The following CDK13 variants were observed in gnomAD, a reference collection of about 807,000 sequenced individuals.
CDK13 encodes the protein cyclin dependent kinase 13.
CDK13 carries 40 observed loss-of-function variants against 137.6 expected under a neutral mutation model. That is an observed-to-expected ratio of 0.29 (90% CI 0.23 to 0.38). The LOEUF (loss-of-function observed/expected upper bound fraction) is 0.38. Ranked by LOEUF, CDK13 falls within the 10% of genes least tolerant of loss-of-function variation. CDK13 has a pLI of 1.00. For missense variants in CDK13, 1,704 were observed against 1,951.8 expected (o/e 0.87, Z 2.39); for synonymous variants, 869 against 760.1 (o/e 1.14, Z -2.36).
At chr7:39,992,163 G>GGTGTGTGTGTGTGTGTGTGT (rs140203379) in intron 2 of CDK13, among the ~76,000 whole-genome samples, 2 of 146,310 alleles carry the variant, frequency 1.4e-5, no homozygotes, top group Non-Finnish European at 3.0e-5. Context: ...AACTAATGAG[G>GGTGTGTGTGTGTGTGTGTGT]GTGTGTGTGT....
intron 5 of CDK13, among the ~76,000 whole-genome samples, chr7:40,024,909 C>T (rs1483422520): frequency 6.6e-6 from 1 of 151,998 alleles, no homozygotes; most frequent in African/African-American, 2.4e-5. Flanking sequence ...AGTGATTCGC[C>T]CGCCTTGGCC....
At chr7:40,039,442 T>C (rs1327853941) in intron 5 of CDK13, among the ~76,000 whole-genome samples, 4 of 139,208 alleles carry the variant, frequency 2.9e-5, no homozygotes, top group Non-Finnish European at 6.1e-5. Context: ...TAATTTTTTT[T>C]TTTTTTTTTT....
At chr7:40,023,555 A>G (rs934156020) in intron 5 of CDK13, among the ~76,000 whole-genome samples, 18 of 150,520 alleles carry the variant, frequency 1.2e-4, no homozygotes, top group African/African-American at 4.4e-4. Context: ...GCTGGAGTGC[A>G]GTGGCATGAT....
chr7:40,095,272 A>G lies in CDK13; in HGVS notation c.*292A>G. 1 of 204,232 alleles carries G rather than the reference A, an allele frequency of 4.9e-6. No homozygotes were observed. The highest frequency in any genetic ancestry group is 9.7e-6 in the Non-Finnish European group (1 of 102,764). 12.7% of individuals were successfully genotyped at this position (204,232 alleles called of 1,614,324 possible). On this transcript the variant is annotated 3_prime_UTR_variant, in exon 14 of 14. Coordinates refer to ENST00000181839, the MANE Select transcript of CDK13 (RefSeq NM_003718.5). Reference sequence around the variant, plus strand: ...CTAATTTTAGGGGCATAAGCCTTTTATGGCCCTCTTGCAGATCTTCTGAAC... The same window carrying G: ...CTAATTTTAGGGGCATAAGCCTTTTGTGGCCCTCTTGCAGATCTTCTGAAC...
At position 39,988,252 on chromosome 7, in the gene CDK13, C is replaced by T. The variant is rs773370535; in HGVS notation, c.1865C>T (p.Ala622Val). 1.3e-6 allele frequency: 2 copies of T among 1,590,988 alleles called. No individual in the cohort carries two copies. Among genetic ancestry groups the T allele is most frequent in the South Asian group, 1.2e-5 (1 of 86,512 alleles). ...CCCATGCTGCCTGAAGATAAAGAAG[C>T]TGATAGGTAAGTGCAAAAAGTATTT... ...LPPMLPEDKE[A>V]DSLRGNISVK... The change falls in exon 2 of 14, where the codon GCT becomes GTT. Residue 622 changes from alanine to valine, a missense_variant. Physicochemically the swap from Ala to Val is moderately conservative, Grantham distance 64 (BLOSUM62 0). Around this residue, in one of 5 missense-constraint regions of CDK13, gnomAD observed 1,051 missense variants for 931.0 expected, o/e 1.13. Transcript: ENST00000181839.
intron 5 of CDK13, among the ~76,000 whole-genome samples, chr7:40,018,796 G>A (rs549622768): frequency 7.2e-5 from 11 of 152,034 alleles, no homozygotes; most frequent in East Asian, 3.8e-4. Context: ...TACACTACTC[G>A]GGTGACAGGG....
intron 2 of CDK13, among the ~76,000 whole-genome samples, chr7:39,991,874 A>C (rs1202765909): frequency 6.6e-6 from 1 of 151,926 alleles, no homozygotes; most frequent in Admixed American, 6.6e-5. Flanking sequence ...CAACATGGTG[A>C]AACCCCATCT....
At chr7:39,986,571 G>A (rs1037948532) in intron 1 of CDK13, 2 of 152,090 alleles carry the variant, frequency 1.3e-5, no homozygotes, top group Non-Finnish European at 2.9e-5. Flanking sequence ...AAGAAATTGA[G>A]TAATAATACT....
chr7:40,056,513 A>G (rs1209150527), intron 7 of CDK13, among the ~76,000 whole-genome samples: 3 of 152,190 alleles, frequency 2.0e-5, no homozygotes, highest in South Asian at 2.1e-4. Flanking sequence ...ACCAAATGAT[A>G]ATGGATTTTA....
intron 1 of CDK13, among the ~76,000 whole-genome samples, chr7:39,955,725 G>A (rs1395719122): frequency 6.6e-6 from 1 of 152,016 alleles, no homozygotes; most frequent in South Asian, 2.1e-4. Flanking sequence ...TCTTGTGGAT[G>A]TTTTTCCTAC....
rs148046155 is a variant in CDK13, at chr7:39,992,070, TACACACACACACACACACACACACAC to T, written c.1871+3821_1871+3846del. 2.7e-5 allele frequency among the ~76,000 whole-genome samples: 4 copies of T among 147,086 alleles called. No homozygotes were observed. The East Asian group carries it at 6.5e-4, about 24-fold the overall frequency. On this transcript the variant is annotated intron_variant, in intron 2 of 13. Coordinates refer to ENST00000181839, the MANE Select transcript of CDK13 (RefSeq NM_003718.5). ...CTGTCTCAAAAAAAGGAAAAAATTATACACACACACACACACACACACACACACACACACGCACACACACACACAAG... is the reference window on the plus strand; with the variant it reads ...CTGTCTCAAAAAAAGGAAAAAATTATACACACACGCACACACACACACAAG...
intron 5 of CDK13, among the ~76,000 whole-genome samples, chr7:40,034,101 C>A (rs374107960): frequency 6.7e-4 from 102 of 152,220 alleles, no homozygotes; most frequent in Middle Eastern, 3.4e-3. Context: ...TCTGGCAGGG[C>A]TTCTGGTTGT....
At chr7:39,992,333 G>T (rs538073507) in intron 2 of CDK13, among the ~76,000 whole-genome samples, 1 of 152,044 alleles carries the variant, frequency 6.6e-6, no homozygotes, top group Admixed American at 6.5e-5. Context: ...GAGTAGCTGG[G>T]GTTACAGGCG....
intron 9 of CDK13, among the ~76,000 whole-genome samples, chr7:40,068,707 GAAAAAAAAA>G (rs1158145409): frequency 8.5e-5 from 4 of 47,082 alleles, no homozygotes; most frequent in Admixed American, 6.1e-4. Flanking sequence ...CTATGTCTCA[GAAAAAAAAA>G]AAAAAAAAAA....
intron 5 of CDK13, among the ~76,000 whole-genome samples, chr7:40,031,097 G>A (rs1785368561): frequency 6.6e-6 from 1 of 152,202 alleles, no homozygotes; most frequent in Admixed American, 6.5e-5. Context: ...GTCTGCATAA[G>A]CAATAAATGA....
intron 3 of CDK13, 104 bp downstream of exon 3, chr7:39,997,768 T>C (rs1784595020): frequency 4.9e-6 from 4 of 816,172 alleles, no homozygotes; most frequent in Non-Finnish European, 7.6e-6. Context: ...AAAATGTACT[T>C]ATTCTTTCAA....
intron 2 of CDK13, among the ~76,000 whole-genome samples, chr7:39,991,846 G>GT (rs938859279): frequency 2.6e-5 from 4 of 151,946 alleles, no homozygotes; most frequent in African/African-American, 9.7e-5. Context: ...GAATCCAGGA[G>GT]TTTGAGAGGA....
intron 5 of CDK13, among the ~76,000 whole-genome samples, chr7:40,004,875 A>G (rs1784764366): frequency 6.6e-6 from 1 of 152,212 alleles, no homozygotes; most frequent in African/African-American, 2.4e-5. Flanking sequence ...TGTAAGAGAA[A>G]CATCATAAAT....
chr7:40,005,290 ATTTTT>A (rs34406657), intron 5 of CDK13, among the ~76,000 whole-genome samples: 1 of 139,228 alleles, frequency 7.2e-6, no homozygotes. Flanking sequence ...TTTAAAGTGA[ATTTTT>A]TTTTTTTTTT....
Sources: gnomAD v4.1 joint callset for allele counts (sites outside exome capture counted in the v4.1 genomes callset) on GRCh38, gnomAD v4.1.1 for gene constraint, gnomAD v4.1.1 regional missense constraint, MANE v1.5 for transcripts, NCBI Gene and HGNC (gene_info 2026-07-23, HGNC 2026-07-21) for gene names.